TP63: variants seen among roughly 807,000 people sequenced by gnomAD.
The protein encoded by TP63 is tumor protein p63.
In TP63, 17 loss-of-function variants were observed where a neutral mutation model predicts 82.8. The observed-to-expected ratio is 0.21, with a 90% CI of 0.14 to 0.31. The LOEUF (loss-of-function observed/expected upper bound fraction) is 0.31. Among genes scored for constraint, TP63 ranks in the 10% least tolerant of loss-of-function variants. The pLI is 1.00. For missense variants in TP63, 648 were observed against 895.3 expected (o/e 0.72, Z 3.52); for synonymous variants, 330 against 321.7 (o/e 1.03, Z -0.28).
chr3:189,868,973 C>A (rs1718076320), intron 8 of TP63, among the ~76,000 whole-genome samples: 1 of 152,114 alleles, frequency 6.6e-6, no homozygotes, highest in Admixed American at 6.5e-5. Context: ...ACACCAGTAG[C>A]ATAAACATCA....
chr3:189,655,600 C>T (rs754834140), intron 1 of TP63, among the ~76,000 whole-genome samples: 12 of 151,612 alleles, frequency 7.9e-5, no homozygotes, highest in Non-Finnish European at 1.0e-4. Flanking sequence ...CCAGCCTGGG[C>T]GACAGAGTGA....
chr3:189,887,768 G>T (rs555223646), intron 11 of TP63, among the ~76,000 whole-genome samples: 10 of 151,736 alleles, frequency 6.6e-5, no homozygotes, highest in African/African-American at 2.4e-4. Flanking sequence ...CTCTAAACGA[G>T]CATTTCAGTG....
At chr3:189,853,293 T>C (rs895319492) in intron 4 of TP63, among the ~76,000 whole-genome samples, 4 of 152,316 alleles carry the variant, frequency 2.6e-5, no homozygotes, top group Admixed American at 2.6e-4. Flanking sequence ...CTCTAGTGGC[T>C]TCCTATCTCA....
At chr3:189,706,006 A>G (rs925610614) in intron 1 of TP63, among the ~76,000 whole-genome samples, 5 of 152,212 alleles carry the variant, frequency 3.3e-5, no homozygotes, top group Middle Eastern at 3.2e-3. Flanking sequence ...TGTAGTGCCC[A>G]TGCATATACT....
intron 1 of TP63, among the ~76,000 whole-genome samples, chr3:189,689,094 C>G (rs1410405493): frequency 9.2e-6 from 1 of 108,482 alleles, no homozygotes; most frequent in Non-Finnish European, 1.9e-5. Context: ...GCATTCAAAT[C>G]TACCTTTTTC....
rs150049422 is a variant in TP63 at position 189,886,575 on chromosome 3, T to C, written c.1507+24T>C. On this transcript the variant is annotated intron_variant, in intron 11 of 13. Coordinates refer to ENST00000264731, the MANE Select transcript of TP63 (RefSeq NM_003722.5). ...CAGTAAGAGCATCTCCTTTTAGCTG[T>C]GGCTGAAGGATGAACAGGCTAGCTT... 976 of 1,613,428 alleles carry C rather than the reference T, an allele frequency of 6.0e-4. 8 individuals carry two copies. In the African/African-American group the frequency reaches 0.012, roughly 20 times the overall value.
At position 189,748,982 on chromosome 3, in the gene TP63, G is replaced by A. The variant is rs184925155; in HGVS notation, c.324+10208G>A. ...TACTGGGAAAATTGGATATTCATAT[G>A]CAGAAGAATGAAACTAGATCCCCAA... is the stretch of plus-strand genomic sequence containing the variant. On this transcript the variant is annotated intron_variant, in intron 3 of 13. Transcript: ENST00000264731. Among the ~76,000 whole-genome samples, 15 of 152,150 alleles carry A rather than the reference G, an allele frequency of 9.9e-5. No homozygotes were observed. In the East Asian group the frequency reaches 1.9e-3, roughly 20 times the overall value.
chr3:189,754,754 T>G (rs992552906), intron 3 of TP63, among the ~76,000 whole-genome samples: 6 of 152,128 alleles, frequency 3.9e-5, no homozygotes, highest in Admixed American at 3.9e-4. Flanking sequence ...CATCTCTATT[T>G]TCCTTCTCTT....
intron 4 of TP63, among the ~76,000 whole-genome samples, chr3:189,826,552 C>A (rs1461033142): frequency 1.3e-5 from 2 of 152,052 alleles, no homozygotes; most frequent in African/African-American, 4.8e-5. Context: ...AGTGAAATAT[C>A]CCAATTAAAA....
chr3:189,682,539 A>G (rs1401812329), intron 1 of TP63, among the ~76,000 whole-genome samples: 1 of 11,254 alleles, frequency 8.9e-5, no homozygotes, highest in African/African-American at 2.0e-4. Flanking sequence ...CTAAGGGGAA[A>G]AAAAAAAAAA....
intron 4 of TP63, chr3:189,829,922 G>C (rs755421840): frequency 2.6e-6 from 1 of 390,964 alleles, no homozygotes; most frequent in Non-Finnish European, 5.2e-6. Context: ...TTGTATTTAT[G>C]TTCCAGACAC....
chr3:189,766,921 C>G (rs1722999400), intron 3 of TP63, among the ~76,000 whole-genome samples: 1 of 152,170 alleles, frequency 6.6e-6, no homozygotes, highest in Non-Finnish European at 1.5e-5. Flanking sequence ...TGAAATCTTT[C>G]CTCCTTATTG....
chr3:189,798,301 A>G (rs1725931687), intron 3 of TP63, among the ~76,000 whole-genome samples: 1 of 151,932 alleles, frequency 6.6e-6, no homozygotes, highest in African/African-American at 2.4e-5. Context: ...AAATTGTGTC[A>G]TTTTCCTTCA....
chr3:189,825,493 G>A (rs954394598), intron 4 of TP63, among the ~76,000 whole-genome samples: 3 of 152,128 alleles, frequency 2.0e-5, no homozygotes, highest in African/African-American at 7.2e-5. Flanking sequence ...TTTATGCAAA[G>A]AATAAAAGGG....
intron 4 of TP63, among the ~76,000 whole-genome samples, chr3:189,858,775 T>A (rs1321387429): frequency 6.6e-6 from 1 of 151,960 alleles, no homozygotes; most frequent in Non-Finnish European, 1.5e-5. Flanking sequence ...CAAGAACCTG[T>A]CTCAAAAAAT....
intron 1 of TP63, among the ~76,000 whole-genome samples, chr3:189,691,045 AATTG>A (rs1716873232): frequency 6.6e-6 from 1 of 152,070 alleles, no homozygotes; most frequent in Admixed American, 6.6e-5. Flanking sequence ...TTAGAAAGGT[AATTG>A]ATTGTGGCTC....
chr3:189,738,323 C>T (rs534719556), intron 2 of TP63, among the ~76,000 whole-genome samples: 1 of 152,298 alleles, frequency 6.6e-6, no homozygotes, highest in African/African-American at 2.4e-5. Context: ...AGAATTTCAG[C>T]ACACTGGAGA....
At chr3:189,882,012 T>A (rs1269555354) in intron 10 of TP63, among the ~76,000 whole-genome samples, 2 of 111,126 alleles carry the variant, frequency 1.8e-5, no homozygotes, top group African/African-American at 3.8e-5. Context: ...CATAAGAAGT[T>A]CTAACCAAAA....
chr3:189,857,303 G>A (rs1376596821), intron 4 of TP63, among the ~76,000 whole-genome samples: 1 of 152,126 alleles, frequency 6.6e-6, no homozygotes, highest in African/African-American at 2.4e-5. Flanking sequence ...TCAACAAATG[G>A]TGTTAGAACA....
Sources: gnomAD v4.1 joint callset for allele counts (sites outside exome capture counted in the v4.1 genomes callset) on GRCh38, gnomAD v4.1.1 for gene constraint, MANE v1.5 for transcripts, NCBI Gene and HGNC (gene_info 2026-07-23, HGNC 2026-07-21) for gene names.